The following FHIT variants were observed in gnomAD, a reference collection of about 807,000 sequenced individuals.
The protein encoded by FHIT is bis(5'-adenosyl)-triphosphatase.
Under a neutral mutation model 17.9 loss-of-function variants are expected in FHIT, and 19 were observed. That is an observed-to-expected ratio of 1.06 (90% confidence interval 0.74 to 1.56). The LOEUF (loss-of-function observed/expected upper bound fraction) is 1.56, where lower values mean the gene tolerates loss of function less well. Among genes scored for constraint, FHIT ranks in the 40% most tolerant of loss-of-function variants. The pLI is 0.00. For synonymous variants in FHIT, 81 were observed against 69.7 expected, an observed-to-expected ratio of 1.16 and a Z score of -0.81; for missense variants, 248 against 189.2, an observed-to-expected ratio of 1.31 and a Z score of -1.82.
intron 5 of FHIT, among the ~76,000 whole-genome samples, chr3:60,190,154 C>T (rs1292938545): frequency 6.6e-6 from 1 of 152,156 alleles, no homozygotes; most frequent in Non-Finnish European, 1.5e-5. Flanking sequence ...AACAGACCTG[C>T]AAACAACATT....
At chr3:60,132,189 TG>T (rs1451595151) in intron 5 of FHIT, among the ~76,000 whole-genome samples, 8 of 152,188 alleles carry the variant, frequency 5.3e-5, no homozygotes, top group African/African-American at 1.4e-4. Flanking sequence ...ACTCTTCATT[TG>T]TTTCCTTCAT....
At position 59,763,016 on chromosome 3, in the gene FHIT, C is replaced by A. The variant is rs532644524; in HGVS notation, c.349-10695G>T. Among the ~76,000 whole-genome samples the A allele has an allele frequency of 4.9e-4, 74 of 152,304 alleles. 1 individual carries two copies. The South Asian group carries it at 0.015, about 30-fold the overall frequency. ...TTTATTCAAAAAGCAATTTCCTTGG[C>A]CAGTCATGTTCTGTAAGCCTTTTTC... On this transcript the variant is annotated intron_variant, in intron 8 of 9. Transcript: ENST00000492590.
intron 5 of FHIT, among the ~76,000 whole-genome samples, chr3:60,294,107 G>C (rs1045138489): frequency 2.6e-5 from 4 of 152,064 alleles, no homozygotes; most frequent in African/African-American, 9.7e-5. Context: ...TTCAGGGGTC[G>C]AAGAGGGAAT....
At chr3:60,211,986 G>A (rs1406950043) in intron 5 of FHIT, among the ~76,000 whole-genome samples, 1 of 152,096 alleles carries the variant, frequency 6.6e-6, no homozygotes, top group Non-Finnish European at 1.5e-5. Context: ...CTCATGCATC[G>A]ATCACATTTC....
intron 5 of FHIT, among the ~76,000 whole-genome samples, chr3:60,265,620 T>C (rs946034180): frequency 2.6e-5 from 4 of 151,892 alleles, no homozygotes; most frequent in African/African-American, 4.8e-5. Flanking sequence ...AAGGACATCA[T>C]TAATAAAGTG....
intron 5 of FHIT, among the ~76,000 whole-genome samples, chr3:60,478,751 CATTT>C (rs1468264764): frequency 1.3e-5 from 2 of 152,184 alleles, no homozygotes; most frequent in Non-Finnish European, 2.9e-5. Flanking sequence ...AAAGGTGCTC[CATTT>C]TTTTGCACAA....
At chr3:60,982,131 A>G (rs1710523036) in intron 3 of FHIT, among the ~76,000 whole-genome samples, 1 of 152,198 alleles carries the variant, frequency 6.6e-6, no homozygotes, top group African/African-American at 2.4e-5. Context: ...TAAATGGATC[A>G]TGTCTTCCTA....
At chr3:60,910,074 C>T (rs573337806) in intron 3 of FHIT, among the ~76,000 whole-genome samples, 26 of 152,286 alleles carry the variant, frequency 1.7e-4, no homozygotes, top group African/African-American at 5.1e-4. Context: ...CTGTCCCGCC[C>T]TTTACCCTCT....
rs181860502 is a variant in FHIT at position 60,525,557 on chromosome 3, C to T, written c.103+11303G>A. 4.5e-3 allele frequency among the ~76,000 whole-genome samples: 688 copies of T among 152,248 alleles called. 15 individuals are homozygous for T. The highest frequency in any genetic ancestry group is 3.4e-3 in the Middle Eastern group (1 of 294). On this transcript the variant is annotated intron_variant, in intron 5 of 9. Transcript: ENST00000492590. ...CTTTGCCATTACTTTTCCAGCCACCCTATGTTGAATCCCTTTCTGGCTCTT... is the reference window on the plus strand; with the variant it reads ...CTTTGCCATTACTTTTCCAGCCACCTTATGTTGAATCCCTTTCTGGCTCTT...
intron 5 of FHIT, among the ~76,000 whole-genome samples, chr3:60,434,657 T>A (rs573761460): frequency 6.6e-6 from 1 of 152,264 alleles, no homozygotes; most frequent in African/African-American, 2.4e-5. Flanking sequence ...TTCTTAAATG[T>A]CTTGACAGAC....
intron 5 of FHIT, among the ~76,000 whole-genome samples, chr3:60,090,316 C>A (rs1239654592): frequency 1.3e-5 from 2 of 152,188 alleles, no homozygotes; most frequent in East Asian, 3.9e-4. Context: ...ATACCCATCA[C>A]TGGAGAAATT....
intron 5 of FHIT, among the ~76,000 whole-genome samples, chr3:60,096,944 ACTGGGGC>A (rs1181509992): frequency 2.0e-4 from 30 of 148,882 alleles, no homozygotes; most frequent in African/African-American, 6.9e-4. Context: ...ACCTTGGGAG[ACTGGGGC>A]AGGAGGATTC....
chr3:60,571,669 G>A (rs140770363), intron 4 of FHIT, among the ~76,000 whole-genome samples: 1 of 152,076 alleles, frequency 6.6e-6, no homozygotes. Context: ...AGGGAATAGA[G>A]AAACTTTTGG....
chr3:60,648,234 C>G (rs978041517), intron 4 of FHIT, among the ~76,000 whole-genome samples: 1 of 152,136 alleles, frequency 6.6e-6, no homozygotes, highest in South Asian at 2.1e-4. Context: ...CAAATTCATA[C>G]GTCACCTGGA....
At chr3:61,153,797 T>C (rs1461625124) in intron 2 of FHIT, among the ~76,000 whole-genome samples, 1 of 152,200 alleles carries the variant, frequency 6.6e-6, no homozygotes, top group Admixed American at 6.5e-5. Flanking sequence ...CCAATGTCCA[T>C]AGCCTAGGCC....
At chr3:59,760,993 A>G (rs952125225) in intron 8 of FHIT, among the ~76,000 whole-genome samples, 1 of 152,162 alleles carries the variant, frequency 6.6e-6, no homozygotes, top group Non-Finnish European at 1.5e-5. Flanking sequence ...ACTTTCTTAC[A>G]ACACAACATC....
chr3:60,984,737 T>A (rs780795779), intron 3 of FHIT, among the ~76,000 whole-genome samples: 1 of 152,054 alleles, frequency 6.6e-6, no homozygotes, highest in African/African-American at 2.4e-5. Flanking sequence ...GAATTGAATA[T>A]AGTAGAACAT....
chr3:60,346,687 T>C (rs1408807406), intron 5 of FHIT, among the ~76,000 whole-genome samples: 2 of 152,216 alleles, frequency 1.3e-5, no homozygotes, highest in Admixed American at 6.5e-5. Flanking sequence ...AACCCAGTTT[T>C]AGCTGAACTA....
chr3:60,797,553 T>C (rs187381184), intron 4 of FHIT, among the ~76,000 whole-genome samples: 2 of 151,714 alleles, frequency 1.3e-5, no homozygotes, highest in Admixed American at 6.6e-5. Flanking sequence ...TTCCATTTCA[T>C]AGTTCAGAGG....
Sources: gnomAD v4.1 joint callset for allele counts (sites outside exome capture counted in the v4.1 genomes callset) on GRCh38, gnomAD v4.1.1 for gene constraint, MANE v1.5 for transcripts, NCBI Gene and HGNC (gene_info 2026-07-23, HGNC 2026-07-21) for gene names.